The following NT5C2 variants were observed in gnomAD, a reference collection of about 807,000 sequenced individuals.
The protein encoded by NT5C2 is cytosolic purine 5'-nucleotidase.
Under a neutral mutation model 76.1 loss-of-function variants are expected in NT5C2, and 58 were observed. The ratio of observed to expected loss-of-function variants is 0.76; its 90% CI spans 0.62 to 0.95. The LOEUF (loss-of-function observed/expected upper bound fraction) is 0.95, where lower values mean the gene tolerates loss of function less well. Ranked by LOEUF, NT5C2 falls within the 40% of genes least tolerant of loss-of-function variation. The pLI, the probability that NT5C2 is intolerant of heterozygous loss-of-function variation, is 0.00. For synonymous variants in NT5C2, 229 were observed against 237.4 expected (o/e 0.96, Z 0.32); for missense variants, 478 against 690.3 (o/e 0.69, Z 3.45).
At chr10:103,091,243 T>C (rs1384396739) in intron 16 of NT5C2, among the ~76,000 whole-genome samples, 1 of 152,180 alleles carries the variant, frequency 6.6e-6, no homozygotes, top group Non-Finnish European at 1.5e-5. Flanking sequence ...GTTTGCCATG[T>C]TGGTCAGGCT....
intron 4 of NT5C2, chr10:103,125,049 T>C: frequency 3.8e-6 from 1 of 265,190 alleles, no homozygotes; most frequent in East Asian, 8.0e-5. Flanking sequence ...TTCCCTCCTG[T>C]GCATTTTCGT....
At chr10:103,177,985 G>C (rs1221584394) in intron 2 of NT5C2, among the ~76,000 whole-genome samples, 1 of 152,098 alleles carries the variant, frequency 6.6e-6, no homozygotes, top group African/African-American at 2.4e-5. Flanking sequence ...TCTGTCTCTG[G>C]ATTTAACTAT....
At chr10:103,148,323 C>T (rs1591475952) in intron 3 of NT5C2, among the ~76,000 whole-genome samples, 1 of 152,332 alleles carries the variant, frequency 6.6e-6, no homozygotes, top group East Asian at 1.9e-4. Context: ...ACAGCAGTGG[C>T]TGGGTGCGGT....
chr10:103,092,552 C>A (rs527978288), intron 15 of NT5C2, among the ~76,000 whole-genome samples: 2 of 152,064 alleles, frequency 1.3e-5, no homozygotes, highest in South Asian at 4.1e-4. Context: ...CTTCACCACA[C>A]TGCAGGTAAT....
chr10:103,152,013 T>C (rs2082496114), intron 3 of NT5C2, among the ~76,000 whole-genome samples: 1 of 152,198 alleles, frequency 6.6e-6, no homozygotes, highest in South Asian at 2.1e-4. Flanking sequence ...AAGTCTAACA[T>C]ATACTTTACC....
intron 4 of NT5C2, among the ~76,000 whole-genome samples, chr10:103,137,413 G>C (rs770289019): frequency 1.3e-5 from 2 of 152,088 alleles, no homozygotes; most frequent in Admixed American, 6.5e-5. Context: ...TTCAAATCAG[G>C]AACTGTGTAT....
intron 1 of NT5C2, among the ~76,000 whole-genome samples, chr10:103,190,741 A>G (rs559408772): frequency 3.3e-5 from 5 of 152,318 alleles, no homozygotes; most frequent in Admixed American, 1.3e-4. Context: ...GTCACTCAAC[A>G]TATGCCTTGT....
At chr10:103,121,580 G>A (rs1254869115) in intron 4 of NT5C2, among the ~76,000 whole-genome samples, 2 of 152,192 alleles carry the variant, frequency 1.3e-5, no homozygotes, top group African/African-American at 4.8e-5. Context: ...ATGTTCGAGA[G>A]GACAGGGATC....
intron 3 of NT5C2, among the ~76,000 whole-genome samples, chr10:103,167,693 G>A (rs1265071246): frequency 2.6e-5 from 4 of 151,818 alleles, no homozygotes; most frequent in African/African-American, 7.3e-5. Context: ...GTGCAGTGGC[G>A]CAATCATGGC....
intron 6 of NT5C2, among the ~76,000 whole-genome samples, chr10:103,101,679 G>A (rs1280778490): frequency 6.6e-6 from 1 of 151,852 alleles, no homozygotes; most frequent in African/African-American, 2.4e-5. Flanking sequence ...TCAGTGTGGT[G>A]GGCGAGGTGG....
At chr10:103,110,548 A>G (rs1484281452) in intron 4 of NT5C2, among the ~76,000 whole-genome samples, 1 of 152,198 alleles carries the variant, frequency 6.6e-6, no homozygotes, top group African/African-American at 2.4e-5. Context: ...ATCAAAACTT[A>G]AGCTTGGGTG....
chr10:103,168,143 T>C (rs1404481411), intron 3 of NT5C2, among the ~76,000 whole-genome samples: 3 of 149,530 alleles, frequency 2.0e-5, no homozygotes, highest in African/African-American at 7.4e-5. Context: ...TTAAGATAAA[T>C]ATACAAAAGT....
Position 103,095,274 on chromosome 10 carries a change from ATGACTATCC to A in NT5C2, c.813+656_813+664del, listed in dbSNP as rs555767897. On this transcript the variant is annotated intron_variant, in intron 12 of 18. Coordinates refer to ENST00000404739, the MANE Select transcript of NT5C2 (RefSeq NM_001351169.2). Reference sequence around the variant, plus strand: ...ATACTGAGTTATGCCCATTAAAATCATGACTATCCTGAAATGGAACCCTGGCATTAACCT... The same window carrying A: ...ATACTGAGTTATGCCCATTAAAATCATGAAATGGAACCCTGGCATTAACCT... 1.7e-4 allele frequency among the ~76,000 whole-genome samples: 26 copies of A among 152,352 alleles called. No homozygotes were observed. In the South Asian group the frequency reaches 3.1e-3, roughly 18 times the overall value.
rs2078061689 is a variant in NT5C2, at chr10:103,130,982, A to G, written c.175+8424T>C. 2.0e-5 allele frequency among the ~76,000 whole-genome samples: 3 copies of G among 152,276 alleles called. 1 individual carries two copies. Among genetic ancestry groups the G allele is most frequent in the Middle Eastern group, 6.8e-3 (2 of 294 alleles). On this transcript the variant is annotated intron_variant, in intron 4 of 18. Coordinates refer to ENST00000404739, the MANE Select transcript of NT5C2 (RefSeq NM_001351169.2). ...TCCTTTCCAAAAAGAAGTCATATGT[A>G]TTTCCCACATTTGAAAACAAGAAAA...
chr10:103,095,789 C>A, intron 12 of NT5C2, 150 bp downstream of exon 12: 1 of 660,424 alleles, frequency 1.5e-6, no homozygotes, highest in Non-Finnish European at 2.7e-6. Context: ...TCCTGGATTA[C>A]TTCTAATGTT....
intron 4 of NT5C2, among the ~76,000 whole-genome samples, chr10:103,114,622 G>A (rs2073908723): frequency 6.6e-6 from 1 of 152,006 alleles, no homozygotes; most frequent in Non-Finnish European, 1.5e-5. Flanking sequence ...AGAGTCTTAA[G>A]GAAATAAATA....
intron 1 of NT5C2, among the ~76,000 whole-genome samples, chr10:103,189,731 C>T (rs1243200968): frequency 1.3e-5 from 2 of 150,308 alleles, no homozygotes; most frequent in African/African-American, 2.4e-5. Context: ...TGCAGTGGCA[C>T]GATATAGGCT....
At chr10:103,187,387 T>A (rs1591925210) in intron 1 of NT5C2, among the ~76,000 whole-genome samples, 1 of 151,214 alleles carries the variant, frequency 6.6e-6, no homozygotes, top group East Asian at 1.9e-4. Context: ...CTACTAAAAA[T>A]AAAATAAAAT....
At chr10:103,150,085 A>C (rs1049337081) in intron 3 of NT5C2, among the ~76,000 whole-genome samples, 2 of 152,164 alleles carry the variant, frequency 1.3e-5, no homozygotes, top group African/African-American at 4.8e-5. Flanking sequence ...CATTTACTTA[A>C]AATAACATTC....
Sources: allele counts gnomAD v4.1 joint callset (sites outside exome capture counted in the v4.1 genomes callset), GRCh38; gene constraint gnomAD v4.1.1; transcripts MANE v1.5; gene names NCBI Gene and HGNC (gene_info 2026-07-23, HGNC 2026-07-21).